PYROXD2: variants seen among roughly 807,000 people sequenced by gnomAD.
The protein encoded by PYROXD2 is pyridine nucleotide-disulfide oxidoreductase domain-containing protein 2.
Under a neutral mutation model 71.1 loss-of-function variants are expected in PYROXD2, and 69 were observed. That is an observed-to-expected ratio of 0.97 (90% CI 0.80 to 1.19). The LOEUF (loss-of-function observed/expected upper bound fraction) is 1.19, where lower values mean the gene tolerates loss of function less well. PYROXD2 is among the 50% of genes most tolerant of loss of function. PYROXD2 has a pLI of 0.00. For missense variants in PYROXD2, 745 were observed against 748.9 expected, an observed-to-expected ratio of 0.99 and a Z score of 0.06; for synonymous variants, 287 against 302.7, an observed-to-expected ratio of 0.95 and a Z score of 0.54.
At chr10:98,397,877 C>CTTT (rs60678578) in intron 5 of PYROXD2, among the ~76,000 whole-genome samples, 195 of 84,144 alleles carry the variant, frequency 2.3e-3, no homozygotes, top group South Asian at 3.5e-3. Flanking sequence ...GTCCTTTCTT[C>CTTT]TTTTTTTTTT....
In PYROXD2 at chr10:98,397,589, C is replaced by T. The variant is rs557460328; in HGVS notation, c.472-91G>A. The T allele has an allele frequency of 5.9e-4, 841 of 1,431,964 alleles. 8 individuals are homozygous for T. In the African/African-American group the frequency reaches 0.011, roughly 18 times the overall value. 88.7% of individuals were successfully genotyped at this position (1,431,964 alleles called of 1,614,324 possible). A position where few individuals can be genotyped will look rare whatever the true frequency, so the allele number is the denominator to read the frequency against. On this transcript the variant is annotated intron_variant, in intron 5 of 15. Coordinates refer to ENST00000370575, the MANE Select transcript of PYROXD2 (RefSeq NM_032709.3). ...GGCCTGTCACCCCCCCACAGCTTGA[C>T]GGTTCCTCAGGCCTCATTCCCCGCT...
intron 12 of PYROXD2, 109 bp from the exon 13 acceptor site, chr10:98,388,617 G>T: frequency 8.3e-7 from 1 of 1,201,130 alleles, no homozygotes; most frequent in Non-Finnish European, 1.1e-6. Flanking sequence ...ACCAATTCTG[G>T]GCGATTGTCG....
rs191617372 is a variant in PYROXD2 at position 98,412,924 on chromosome 10, C to T, written c.128-1966G>A. Reference sequence around the variant, plus strand: ...CTAAGTGAGGTGCTGGAGATGGCTCCCACCAGCCCGGGGAGTTTGTGAGCC... The same window carrying T: ...CTAAGTGAGGTGCTGGAGATGGCTCTCACCAGCCCGGGGAGTTTGTGAGCC... On this transcript the variant is annotated intron_variant, in intron 1 of 15. Transcript: ENST00000370575. Among the ~76,000 whole-genome samples the T allele has an allele frequency of 2.6e-5, 4 of 152,282 alleles. No individual in the cohort carries two copies. In the East Asian group the frequency reaches 7.7e-4, roughly 29 times the overall value.
chr10:98,404,072 T>G (rs768797473), intron 4 of PYROXD2, among the ~76,000 whole-genome samples: 2 of 152,230 alleles, frequency 1.3e-5, no homozygotes, highest in Non-Finnish European at 2.9e-5. Context: ...AAATTTAGCT[T>G]AAAGCTGCCT....
intron 14 of PYROXD2, among the ~76,000 whole-genome samples, chr10:98,385,401 C>A (rs990938633): frequency 4.6e-5 from 7 of 152,346 alleles, no homozygotes; most frequent in Admixed American, 3.9e-4. Flanking sequence ...TGTTGGCATG[C>A]GTCTCTGCGA....
chr10:98,407,281 C>G (rs1007169110), intron 4 of PYROXD2, among the ~76,000 whole-genome samples: 3 of 152,220 alleles, frequency 2.0e-5, no homozygotes, highest in Non-Finnish European at 4.4e-5. Flanking sequence ...GCTGTAAGCT[C>G]AGGCGCCCAA....
At chr10:98,404,820 T>C (rs905636237) in intron 4 of PYROXD2, among the ~76,000 whole-genome samples, 1 of 152,216 alleles carries the variant, frequency 6.6e-6, no homozygotes, top group Admixed American at 6.5e-5. Context: ...GCCCCACCAC[T>C]GCCACAGAAT....
chr10:98,386,327 G>GGAAGGAAGGAAGGAAGTA (rs1554873931), intron 14 of PYROXD2, among the ~76,000 whole-genome samples: 1 of 134,844 alleles, frequency 7.4e-6, no homozygotes, highest in Admixed American at 7.6e-5. Context: ...GGAAGGGAGG[G>GGAAGGAAGGAAGGAAGTA]AGGAAGGAAG....
chr10:98,392,352 C>A, intron 10 of PYROXD2, 80 bp downstream of exon 10: 1 of 1,561,996 alleles, frequency 6.4e-7, no homozygotes, highest in South Asian at 1.2e-5. Context: ...CTGATGCAAT[C>A]CTGGCTCCCT....
At chr10:98,391,539 T>C (rs1164386345) in intron 10 of PYROXD2, among the ~76,000 whole-genome samples, 3 of 152,160 alleles carry the variant, frequency 2.0e-5, no homozygotes, top group Non-Finnish European at 4.4e-5. Flanking sequence ...CATGTTATCA[T>C]ATCTTTTGAG....
chr10:98,399,304 C>T (rs1392638673), intron 5 of PYROXD2, among the ~76,000 whole-genome samples: 2 of 152,184 alleles, frequency 1.3e-5, no homozygotes, highest in African/African-American at 4.8e-5. Context: ...AAGCAATGTA[C>T]ATGGGTTCTA....
chr10:98,383,619 C>T lies in PYROXD2; in HGVS notation c.*179G>A. 1.5e-6 allele frequency: 1 copy of T among 667,180 alleles called. No individual in the cohort carries two copies. Among genetic ancestry groups the T allele is most frequent in the South Asian group, 1.8e-5 (1 of 55,980 alleles). The allele number at this position is 667,180 out of a possible 1,614,324, so 41.3% of individuals were successfully genotyped here. The stretch of plus-strand genomic sequence containing the variant: ...AACAGAACCAGTCCATGTATGGAGG[C>T]ATGGGCATAAGGTCAACTTGCACTA... On this transcript the variant is annotated 3_prime_UTR_variant, in exon 16 of 16. Coordinates refer to ENST00000370575, the MANE Select transcript of PYROXD2 (RefSeq NM_032709.3).
intron 4 of PYROXD2, among the ~76,000 whole-genome samples, chr10:98,402,689 T>C (rs1350374888): frequency 6.6e-6 from 1 of 152,246 alleles, no homozygotes; most frequent in Non-Finnish European, 1.5e-5. Flanking sequence ...CTCGAGGTCT[T>C]GGCTGGAATG....
chr10:98,405,798 T>C (rs1374509865), intron 4 of PYROXD2, among the ~76,000 whole-genome samples: 1 of 152,212 alleles, frequency 6.6e-6, no homozygotes, highest in Non-Finnish European at 1.5e-5. Context: ...GAGCGCATCA[T>C]AGCTCAAGAA....
intron 3 of PYROXD2, 52 bp downstream of exon 3, chr10:98,407,852 C>G (rs1003132068): frequency 9.7e-6 from 15 of 1,547,048 alleles, no homozygotes; most frequent in South Asian, 4.7e-5. Flanking sequence ...GGGATGGAGA[C>G]TGTCACCCTG....
intron 5 of PYROXD2, among the ~76,000 whole-genome samples, chr10:98,398,181 C>T (rs1218801738): frequency 1.3e-5 from 2 of 152,172 alleles, no homozygotes; most frequent in African/African-American, 4.8e-5. Context: ...CCACGCTGGC[C>T]TGTCCTTCTG....
Position 98,388,454 on chromosome 10 carries a change from A to T in PYROXD2, c.1347T>A (p.Pro449=), listed in dbSNP as rs773473219. The change falls in exon 13 of 16, where the codon CCT becomes CCA. Residue 449 remains proline (P), a synonymous_variant. Transcript: ENST00000370575. Reference sequence around the variant, plus strand: ...TGAAGAGGGAGACTACATGGCAGCCAGGGGGAGCCAGGGTGGGGTCCAGCG... The same window carrying T: ...TGAAGAGGGAGACTACATGGCAGCCTGGGGGAGCCAGGGTGGGGTCCAGCG... The part of the protein sequence containing the change: ...PSSLDPTLAP[P]GCHVVSLFTQ... 1.8e-5 allele frequency: 29 copies of T among 1,612,658 alleles called. No individual in the cohort carries two copies. Among genetic ancestry groups the T allele is most frequent in the Non-Finnish European group, 2.4e-5 (28 of 1,179,646 alleles).
chr10:98,395,160 C>T lies in PYROXD2; in HGVS notation c.785+36G>A, dbSNP rs1054822835. On this transcript the variant is annotated intron_variant, in intron 8 of 15. Transcript: ENST00000370575. ...TCCTCACTCCTGTTGGGGAACATGC[C>T]CCACTCCTGTGTCCCACCTCACCCC... 3.8e-6 allele frequency: 6 copies of T among 1,560,602 alleles called. No individual in the cohort carries two copies. In the Admixed American group the frequency reaches 8.3e-5, roughly 22 times the overall value.
At chr10:98,401,754 C>G (rs1430872351) in intron 4 of PYROXD2, among the ~76,000 whole-genome samples, 1 of 152,134 alleles carries the variant, frequency 6.6e-6, no homozygotes. Flanking sequence ...TCAGGATCAT[C>G]AATGTCACTG....
Sources: gnomAD v4.1 joint callset for allele counts (sites outside exome capture counted in the v4.1 genomes callset) on GRCh38, gnomAD v4.1.1 for gene constraint, MANE v1.5 for transcripts, NCBI Gene and HGNC (gene_info 2026-07-23, HGNC 2026-07-21) for gene names.